PEAK1: variants seen among roughly 807,000 people sequenced by gnomAD.
The protein encoded by PEAK1 is pseudopodium enriched atypical kinase 1.
A neutral mutation model predicts 124.7 loss-of-function variants in PEAK1; 54 were observed. The ratio of observed to expected loss-of-function variants is 0.43; its 90% CI spans 0.35 to 0.54. The LOEUF is 0.54. Ranked by LOEUF, PEAK1 falls within the 20% of genes least tolerant of loss-of-function variation. The pLI is 0.01. For missense variants in PEAK1, 2,046 were observed against 2,134.5 expected, an observed-to-expected ratio of 0.96 and a Z score of 0.82; for synonymous variants, 719 against 760.0, an observed-to-expected ratio of 0.95 and a Z score of 0.89.
chr15:77,411,513 C>T (rs961105105), intron 1 of PEAK1, among the ~76,000 whole-genome samples: 4 of 152,172 alleles, frequency 2.6e-5, no homozygotes, highest in Admixed American at 1.3e-4. Context: ...AGTTTCTTGA[C>T]GCACACATGC....
At chr15:77,122,806 G>C (rs2052035011) in intron 9 of PEAK1, among the ~76,000 whole-genome samples, 1 of 152,184 alleles carries the variant, frequency 6.6e-6, no homozygotes, top group Non-Finnish European at 1.5e-5. Context: ...TATGAAAGTG[G>C]AAGTGGTTTC....
At chr15:77,224,977 T>G (rs959317054) in intron 6 of PEAK1, among the ~76,000 whole-genome samples, 2 of 152,008 alleles carry the variant, frequency 1.3e-5, no homozygotes, top group Admixed American at 1.3e-4. Context: ...ACTCCATCCA[T>G]ATGCAATCAC....
intron 8 of PEAK1, among the ~76,000 whole-genome samples, chr15:77,150,649 C>A (rs1025074855): frequency 1.4e-5 from 2 of 148,062 alleles, no homozygotes; most frequent in Non-Finnish European, 3.0e-5. Context: ...TCTCCTAATG[C>A]TATCCCTCCC....
At chr15:77,190,441 G>A (rs962197987) in intron 6 of PEAK1, among the ~76,000 whole-genome samples, 3 of 152,158 alleles carry the variant, frequency 2.0e-5, no homozygotes, top group Non-Finnish European at 4.4e-5. Context: ...TGGAATCTGG[G>A]ATGTGTTTTC....
At chr15:77,182,649 A>G (rs1596505889) in intron 6 of PEAK1, among the ~76,000 whole-genome samples, 1 of 150,502 alleles carries the variant, frequency 6.6e-6, no homozygotes, top group Admixed American at 6.7e-5. Context: ...ATACTCAGGA[A>G]GCTGAGGCAG....
At chr15:77,243,141 C>T (rs1339382275) in intron 6 of PEAK1, among the ~76,000 whole-genome samples, 1 of 152,190 alleles carries the variant, frequency 6.6e-6, no homozygotes, top group Non-Finnish European at 1.5e-5. Flanking sequence ...TAGTTTATTT[C>T]TGTGCTTCCA....
chr15:77,136,281 CAGA>C (rs1447610892), intron 8 of PEAK1, among the ~76,000 whole-genome samples: 1 of 152,122 alleles, frequency 6.6e-6, no homozygotes, highest in Non-Finnish European at 1.5e-5. Flanking sequence ...GGGTATCTGG[CAGA>C]AGAATTTTCT....
intron 7 of PEAK1, among the ~76,000 whole-genome samples, chr15:77,172,962 T>G (rs1477448378): frequency 6.6e-6 from 1 of 152,108 alleles, no homozygotes; most frequent in Non-Finnish European, 1.5e-5. Context: ...TTATGTTACC[T>G]AGGCTGGTCT....
At chr15:77,346,264 C>T (rs1315664642) in intron 2 of PEAK1, 1 of 928,154 alleles carries the variant, frequency 1.1e-6, no homozygotes, top group Non-Finnish European at 1.3e-6. Context: ...ATAAATGTTG[C>T]TGTCTTGACT....
intron 7 of PEAK1, 112 bp from the exon 8 acceptor site, chr15:77,158,808 A>C (rs2055379219): frequency 1.0e-6 from 1 of 973,272 alleles, no homozygotes; most frequent in African/African-American, 1.6e-5. Context: ...CTATAGTCAC[A>C]ATACACTTGT....
intron 2 of PEAK1, among the ~76,000 whole-genome samples, chr15:77,312,756 C>A (rs1043946578): frequency 1.6e-4 from 24 of 152,204 alleles, no homozygotes; most frequent in African/African-American, 5.5e-4. Context: ...CTAAAAATAT[C>A]TCCCATAAGG....
Position 77,350,867 on chromosome 15 carries a change from T to A in PEAK1, c.-603+14296A>T, listed in dbSNP as rs1229002024. The A allele has an allele frequency of 5.1e-6, 5 of 984,666 alleles. No homozygotes were observed. In the South Asian group the frequency reaches 1.9e-4, roughly 37 times the overall value. 61.0% of individuals were successfully genotyped at this position (984,666 alleles called of 1,614,324 possible). ...CATAATCAATTACTGGAGCACTCCATTTCTCAATCACCTTGGATACGCAGG... is the reference window on the plus strand; with the variant it reads ...CATAATCAATTACTGGAGCACTCCAATTCTCAATCACCTTGGATACGCAGG... On this transcript the variant is annotated intron_variant, in intron 2 of 9. Transcript: ENST00000682557.
intron 7 of PEAK1, among the ~76,000 whole-genome samples, chr15:77,173,084 AAAC>A (rs141641030): frequency 2.0e-5 from 3 of 152,068 alleles, no homozygotes; most frequent in African/African-American, 4.8e-5. Context: ...ACTCACTTAA[AAAC>A]AACAACAACA....
intron 7 of PEAK1, among the ~76,000 whole-genome samples, chr15:77,159,193 T>C (rs2055416133): frequency 6.6e-6 from 1 of 152,206 alleles, no homozygotes. Flanking sequence ...TTAAACTAAC[T>C]GCATAAGGAA....
At chr15:77,393,893 C>A (rs2070689917) in intron 1 of PEAK1, among the ~76,000 whole-genome samples, 1 of 152,128 alleles carries the variant, frequency 6.6e-6, no homozygotes, top group Admixed American at 6.6e-5. Flanking sequence ...AGAGGGGAGC[C>A]CACTGCTCTG....
chr15:77,372,500 T>C (rs1396456584), intron 1 of PEAK1, among the ~76,000 whole-genome samples: 1 of 152,226 alleles, frequency 6.6e-6, no homozygotes, highest in African/African-American at 2.4e-5. Flanking sequence ...TGTTTGCTCA[T>C]TAGAAGCCTC....
At chr15:77,296,886 C>A (rs1049327198) in intron 2 of PEAK1, among the ~76,000 whole-genome samples, 1 of 151,686 alleles carries the variant, frequency 6.6e-6, no homozygotes, top group African/African-American at 2.4e-5. Flanking sequence ...GACAAGCACA[C>A]ACACAGAACT....
At chr15:77,238,728 C>T (rs2060230945) in intron 6 of PEAK1, among the ~76,000 whole-genome samples, 1 of 152,126 alleles carries the variant, frequency 6.6e-6, no homozygotes, top group African/African-American at 2.4e-5. Context: ...TAGGGGTTTC[C>T]TATCTGTTCT....
intron 5 of PEAK1, among the ~76,000 whole-genome samples, chr15:77,262,522 A>T (rs1404734700): frequency 6.6e-6 from 1 of 151,814 alleles, no homozygotes. Flanking sequence ...GGGCCATTAC[A>T]TAATGGTAAA....
Sources: gnomAD v4.1 joint callset for allele counts (sites outside exome capture counted in the v4.1 genomes callset) on GRCh38, gnomAD v4.1.1 for gene constraint, MANE v1.5 for transcripts, NCBI Gene and HGNC (gene_info 2026-07-23, HGNC 2026-07-21) for gene names.